The following PLXNA4 variants were observed in gnomAD, a reference collection of about 807,000 sequenced individuals.
PLXNA4 encodes the protein plexin A4.
In PLXNA4, 44 loss-of-function variants were observed where a neutral mutation model predicts 191.8. The observed-to-expected ratio is 0.23, with a 90% CI of 0.18 to 0.29. The LOEUF is 0.29. PLXNA4 is among the 10% of genes least tolerant of loss of function. PLXNA4 has a pLI of 1.00. For missense variants in PLXNA4, 1,800 were observed against 2,488.8 expected (o/e 0.72, Z 5.89); for synonymous variants, 1,082 against 1,009.5 (o/e 1.07, Z -1.36).
intron 3 of PLXNA4, among the ~76,000 whole-genome samples, chr7:132,480,538 T>G (rs1478618247): frequency 6.6e-6 from 1 of 151,448 alleles, no homozygotes; most frequent in Non-Finnish European, 1.5e-5. Flanking sequence ...GGAGGGACAA[T>G]TCCGGTGAGA....
At chr7:132,148,431 C>T (rs926430267) in intron 26 of PLXNA4, 112 bp downstream of exon 26, 2 of 1,454,352 alleles carry the variant, frequency 1.4e-6, no homozygotes, top group South Asian at 2.7e-5. Context: ...ACTAAGGGAA[C>T]ATGGAGTGCT....
intron 2 of PLXNA4, among the ~76,000 whole-genome samples, chr7:132,603,697 C>T (rs530423533): frequency 5.8e-4 from 89 of 152,154 alleles, no homozygotes; most frequent in Non-Finnish European, 1.1e-3. Flanking sequence ...GCAGGGCCAA[C>T]CTTAGGACTT....
At position 132,334,252 on chromosome 7, in the gene PLXNA4, C is replaced by CTTTCTT. The variant is rs1554417000; in HGVS notation, c.1372-36031_1372-36030insAAGAAA. Among the ~76,000 whole-genome samples, 608 of 75,644 alleles carry CTTTCTT rather than the reference C, an allele frequency of 8.0e-3. 24 individuals carry two copies. Among genetic ancestry groups the CTTTCTT allele is most frequent in the African/African-American group, 0.032 (520 of 16,456 alleles). The allele number at this position is 75,644 out of a possible 152,430, so 49.6% of individuals were successfully genotyped here. On this transcript the variant is annotated intron_variant, in intron 3 of 31. Transcript: ENST00000321063. ...TTTCTTTTCTTTTCTTTCTTTCTTT[C>CTTTCTT]TTTTTTTTTTTTTTTTTTTTTTTGA...
rs1449813940 is a variant in PLXNA4 at position 132,145,209 on chromosome 7, G to A, written c.5135C>T (p.Ala1712Val). The A allele has an allele frequency of 6.2e-7, 1 of 1,614,082 alleles. No homozygotes were observed. The highest frequency in any genetic ancestry group is 8.5e-7 in the Non-Finnish European group (1 of 1,180,038). Residue 1712 changes from alanine to valine, a missense_variant, in exon 29 of 32, where the codon GCC becomes GTC. Ala to Val is a moderately conservative substitution (Grantham distance 64, BLOSUM62 0). Coordinates refer to ENST00000321063, the MANE Select transcript of PLXNA4 (RefSeq NM_020911.2). ...CAGGAAGTCAAACATGTACTTGATG[G>A]CCAGGGGCAGGGCAGAGCCACGGTG... ...TAHRGSALPL[A>V]IKYMFDFLDE...
chr7:132,508,202 G>A lies in PLXNA4; in HGVS notation c.492C>T (p.Asn164=), dbSNP rs755930438. 1.5e-5 allele frequency: 25 copies of A among 1,614,084 alleles called. No homozygotes were observed. The highest frequency in any genetic ancestry group is 1.3e-4 in the Admixed American group (8 of 60,010). The change falls in exon 2 of 32, where the codon AAC becomes AAT. Residue 164 remains asparagine (N), a synonymous_variant. Coordinates refer to ENST00000321063, the MANE Select transcript of PLXNA4 (RefSeq NM_020911.2). The surrounding 1 kb of genome is among the most constrained non-coding windows in gnomAD (Gnocchi z 4.4). The stretch of plus-strand genomic sequence containing the variant: ...TCACTCCAAAGACTGAGCCGCTCTC[G>A]TTGACACCTGACAGATAGTGCTCCT... ...HKKEHYLSGV[N]ESGSVFGVIV...
intron 2 of PLXNA4, among the ~76,000 whole-genome samples, chr7:132,631,994 G>T (rs999954153): frequency 2.6e-5 from 4 of 152,170 alleles, no homozygotes; most frequent in African/African-American, 9.7e-5. Flanking sequence ...CAGCATTTTG[G>T]GAGGCCAAGG....
At chr7:132,247,226 G>A (rs28439428) in intron 4 of PLXNA4, among the ~76,000 whole-genome samples, 56,747 of 151,986 alleles carry the variant, frequency 0.37, 11,011 homozygotes, top group East Asian at 0.6. Flanking sequence ...CAGTCTCTGT[G>A]TGTATCTCTA....
intron 3 of PLXNA4, among the ~76,000 whole-genome samples, chr7:132,349,503 C>G (rs1421182441): frequency 6.6e-6 from 1 of 152,212 alleles, no homozygotes; most frequent in Non-Finnish European, 1.5e-5. Context: ...TGCCTCAGGG[C>G]ATCTCATTCC....
chr7:132,309,864 A>G (rs1252289863), intron 3 of PLXNA4, among the ~76,000 whole-genome samples: 1 of 152,230 alleles, frequency 6.6e-6, no homozygotes, highest in East Asian at 1.9e-4. Context: ...AGCTCGGCAC[A>G]GGGCAGAGAC....
At chr7:132,226,406 A>G in intron 7 of PLXNA4, 146 bp from the exon 8 acceptor site, 3 of 630,838 alleles carry the variant, frequency 4.8e-6, no homozygotes, top group Admixed American at 2.9e-5. Context: ...ACCCAGTCCC[A>G]GGACAACCCT....
intron 4 of PLXNA4, among the ~76,000 whole-genome samples, chr7:132,296,103 G>A (rs959423032): frequency 1.3e-5 from 2 of 152,132 alleles, no homozygotes; most frequent in Non-Finnish European, 2.9e-5. Context: ...GTCGGCCCAG[G>A]TGTTAGGCCT....
chr7:132,323,095 A>T (rs1419376149), intron 3 of PLXNA4, among the ~76,000 whole-genome samples: 1 of 152,174 alleles, frequency 6.6e-6, no homozygotes, highest in Admixed American at 6.5e-5. Flanking sequence ...CCGTTGGGGG[A>T]GAGACTCATA....
At chr7:132,150,882 C>T (rs943739519) in intron 25 of PLXNA4, among the ~76,000 whole-genome samples, 3 of 152,306 alleles carry the variant, frequency 2.0e-5, no homozygotes, top group African/African-American at 4.8e-5. Flanking sequence ...AGTGCACAGC[C>T]TGGGCGGCCA....
intron 12 of PLXNA4, among the ~76,000 whole-genome samples, chr7:132,200,605 A>C (rs1797400990): frequency 6.6e-6 from 1 of 152,222 alleles, no homozygotes; most frequent in Admixed American, 6.5e-5. Flanking sequence ...GGTCTGAAGC[A>C]TGGGGCACAT....
At chr7:132,541,702 C>T (rs1219808892) in intron 1 of PLXNA4, among the ~76,000 whole-genome samples, 1 of 152,242 alleles carries the variant, frequency 6.6e-6, no homozygotes, top group African/African-American at 2.4e-5. Flanking sequence ...GCACCATTTT[C>T]GAGGACACTT....
intron 31 of PLXNA4, 120 bp from the exon 32 acceptor site, chr7:132,130,694 G>GTCCTGTGTGCCCCT: frequency 2.7e-6 from 4 of 1,466,608 alleles, no homozygotes; most frequent in Non-Finnish European, 3.7e-6. Context: ...CATGTGCAGG[G>GTCCTGTGTGCCCCT]GCACACAGGA....
intron 1 of PLXNA4, among the ~76,000 whole-genome samples, chr7:132,538,057 A>G (rs1052362815): frequency 2.0e-5 from 3 of 152,220 alleles, no homozygotes; most frequent in African/African-American, 4.8e-5. Flanking sequence ...GGATCAGACA[A>G]TCGCTGTCCT....
At chr7:132,574,951 T>G (rs770579436) in intron 1 of PLXNA4, among the ~76,000 whole-genome samples, 1 of 152,330 alleles carries the variant, frequency 6.6e-6, no homozygotes, top group African/African-American at 2.4e-5. Flanking sequence ...TTTTTTCCAC[T>G]GGTGGGTCTG....
rs968430229 is a variant in PLXNA4 at position 132,158,573 on chromosome 7, C to T, written c.4660+900G>A. Among the ~76,000 whole-genome samples the T allele has an allele frequency of 1.8e-4, 27 of 152,204 alleles. 1 individual carries two copies. Among genetic ancestry groups the T allele is most frequent in the African/African-American group, 4.3e-4 (18 of 41,458 alleles). ...AATGGATCACACACTGCATTAAAGA[C>T]GCTTTTACATGCATGATCTCACTGA... On this transcript the variant is annotated intron_variant, in intron 25 of 31. Coordinates refer to ENST00000321063, the MANE Select transcript of PLXNA4 (RefSeq NM_020911.2).
Sources: allele counts gnomAD v4.1 joint callset (sites outside exome capture counted in the v4.1 genomes callset), GRCh38; gene constraint gnomAD v4.1.1; non-coding constraint Gnocchi (gnomAD v3.1); transcripts MANE v1.5; gene names NCBI Gene and HGNC (gene_info 2026-07-23, HGNC 2026-07-21).